The following ITGAV variants were observed in gnomAD, a reference collection of about 807,000 sequenced individuals.
ITGAV encodes integrin alpha-V.
A neutral mutation model predicts 143.8 loss-of-function variants in ITGAV; 76 were observed. The observed-to-expected ratio is 0.53, with a 90% CI of 0.44 to 0.64. The LOEUF is 0.64. ITGAV is among the 30% of genes least tolerant of loss of function. The pLI is 0.00. For missense variants in ITGAV, 1,193 were observed against 1,274.7 expected (o/e 0.94, Z 0.98); for synonymous variants, 453 against 446.7 (o/e 1.01, Z -0.18).
intron 17 of ITGAV, among the ~76,000 whole-genome samples, chr2:186,657,469 G>A (rs1021488432): frequency 6.6e-6 from 1 of 152,170 alleles, no homozygotes; most frequent in Non-Finnish European, 1.5e-5. Context: ...ATTGGGAAGT[G>A]TGATTTTTAA....
intron 3 of ITGAV, among the ~76,000 whole-genome samples, chr2:186,623,799 C>T (rs1687598549): frequency 6.6e-6 from 1 of 152,118 alleles, no homozygotes; most frequent in Non-Finnish European, 1.5e-5. Flanking sequence ...CACAATCTGC[C>T]TCAAAAATAT....
rs540703885 is a variant in ITGAV at position 186,652,070 on chromosome 2, A to G, written c.1486A>G (p.Thr496Ala). 1.3e-5 allele frequency: 21 copies of G among 1,606,672 alleles called. No individual in the cohort carries two copies. In the East Asian group the frequency reaches 2.0e-4, roughly 15 times the overall value. Residue 496 changes from threonine to alanine, a missense_variant, in exon 15 of 30, where the codon ACA becomes GCA. Coordinates refer to ENST00000261023, the MANE Select transcript of ITGAV (RefSeq NM_002210.5). ...CAATAAAACCTGCTCACTGCCTGGA[A>G]CAGCTCTCAAAGTTTCCTGGTAAGG... ...QDNKTCSLPGTALKVSCFNVR... is the reference protein window; with the variant it reads ...QDNKTCSLPGAALKVSCFNVR...
chr2:186,608,868 A>C (rs1434750196), intron 2 of ITGAV, among the ~76,000 whole-genome samples: 1 of 152,230 alleles, frequency 6.6e-6, no homozygotes, highest in African/African-American at 2.4e-5. Context: ...ATCTGAAAAA[A>C]TAAGCAGGAA....
At chr2:186,613,669 T>C (rs1489743041) in intron 2 of ITGAV, among the ~76,000 whole-genome samples, 1 of 152,148 alleles carries the variant, frequency 6.6e-6, no homozygotes, top group Non-Finnish European at 1.5e-5. Context: ...TCAAGAGACA[T>C]CTGAAGACAC....
At chr2:186,636,974 T>C (rs1490732091) in intron 7 of ITGAV, 91 bp from the exon 8 acceptor site, 13 of 1,043,246 alleles carry the variant, frequency 1.2e-5, no homozygotes, top group Non-Finnish European at 2.0e-5. Context: ...AAGGAGTTTC[T>C]TGAAAATATT....
chr2:186,634,634 A>T (rs1687904445), intron 6 of ITGAV, among the ~76,000 whole-genome samples: 1 of 152,206 alleles, frequency 6.6e-6, no homozygotes, highest in African/African-American at 2.4e-5. Flanking sequence ...ACAGACAGGG[A>T]TCAGAATGTG....
chr2:186,659,092 C>T lies in ITGAV; in HGVS notation c.1774C>T (p.Arg592Trp), dbSNP rs200949549. Residue 592 changes from arginine to tryptophan, a missense_variant, in exon 18 of 30, where the codon CGG becomes TGG. Arg to Trp is a moderately radical substitution (Grantham distance 101, BLOSUM62 -3). Coordinates refer to ENST00000261023, the MANE Select transcript of ITGAV (RefSeq NM_002210.5). ...TCCAATTACTATTTTTATGGAATAT[C>T]GGTTGGATTATAGAACAGCTGCTGA... ...LTPITIFMEY[R>W]LDYRTAADTT... 4.0e-5 allele frequency: 64 copies of T among 1,609,694 alleles called. No homozygotes were observed. The African/African-American group carries it at 4.7e-4, about 12-fold the overall frequency.
At chr2:186,597,541 T>A (rs889918716) in intron 1 of ITGAV, among the ~76,000 whole-genome samples, 1 of 152,188 alleles carries the variant, frequency 6.6e-6, no homozygotes, top group Non-Finnish European at 1.5e-5. Context: ...TGAATTAGAG[T>A]ACCCTACATT....
intron 17 of ITGAV, among the ~76,000 whole-genome samples, chr2:186,656,933 A>T (rs1460775505): frequency 2.0e-5 from 3 of 151,992 alleles, no homozygotes; most frequent in Admixed American, 6.6e-5. Flanking sequence ...GGAGCAATCC[A>T]GTATGGGCCC....
intron 18 of ITGAV, among the ~76,000 whole-genome samples, chr2:186,661,603 T>TG (rs201353593): frequency 0.022 from 3,350 of 148,966 alleles, 128 homozygotes; most frequent in African/African-American, 0.077. Context: ...TTTTTGTTTT[T>TG]TTTTTTTTTT....
intron 19 of ITGAV, 145 bp downstream of exon 19, chr2:186,663,980 T>A: frequency 1.6e-6 from 1 of 606,076 alleles, no homozygotes. Flanking sequence ...ACTATCAATA[T>A]TGAGCTTCTA....
intron 13 of ITGAV, 71 bp downstream of exon 13, chr2:186,646,948 C>A: frequency 1.0e-6 from 1 of 997,370 alleles, no homozygotes; most frequent in Non-Finnish European, 1.4e-6. Flanking sequence ...AGTTACTGTT[C>A]TTGATTTATG....
At chr2:186,675,133 C>T (rs140549547) in intron 26 of ITGAV, among the ~76,000 whole-genome samples, 394 of 152,304 alleles carry the variant, frequency 2.6e-3, no homozygotes, top group African/African-American at 8.7e-3. Flanking sequence ...CTGATTAAAA[C>T]ATTAAATGTG....
chr2:186,629,036 C>T (rs1382531224), intron 4 of ITGAV, among the ~76,000 whole-genome samples: 1 of 152,018 alleles, frequency 6.6e-6, no homozygotes, highest in African/African-American at 2.4e-5. Flanking sequence ...AAGTTAATGT[C>T]ATGTAAAATG....
chr2:186,590,248 G>A lies in ITGAV; in HGVS notation c.-91G>A. Reference sequence around the variant, plus strand: ...GAGCGGCCGGCAAGTTTGGGCGCGCGCAGGCGGCGGGCCGCGGGCACTGGG... The same window carrying A: ...GAGCGGCCGGCAAGTTTGGGCGCGCACAGGCGGCGGGCCGCGGGCACTGGG... On this transcript the variant is annotated 5_prime_UTR_variant, in exon 1 of 30. Coordinates refer to ENST00000261023, the MANE Select transcript of ITGAV (RefSeq NM_002210.5). The A allele has an allele frequency of 4.4e-6, 5 of 1,148,430 alleles. No individual in the cohort carries two copies. The highest frequency in any genetic ancestry group is 5.7e-6 in the Non-Finnish European group (5 of 879,012). The allele number at this position is 1,148,430 out of a possible 1,614,324, so 71.1% of individuals were successfully genotyped here. A position where few individuals can be genotyped will look rare whatever the true frequency, so the allele number is the denominator to read the frequency against.
chr2:186,590,541 G>C lies in ITGAV; in HGVS notation c.185+18G>C. 6.2e-7 allele frequency: 1 copy of C among 1,607,094 alleles called. No homozygotes were observed. The highest frequency in any genetic ancestry group is 8.5e-7 in the Non-Finnish European group (1 of 1,177,130). ...GCGTCTTCGTAAGTGGCCGCACTTGGAACTGGAGCCGGCCCCCTCCCCCAC... is the reference window on the plus strand; with the variant it reads ...GCGTCTTCGTAAGTGGCCGCACTTGCAACTGGAGCCGGCCCCCTCCCCCAC... On this transcript the variant is annotated intron_variant, in intron 1 of 29. Transcript: ENST00000261023.
Position 186,607,596 on chromosome 2 carries a change from A to G in ITGAV, c.316+5445A>G, listed in dbSNP as rs541158871. 5.7e-3 allele frequency among the ~76,000 whole-genome samples: 864 copies of G among 152,268 alleles called. 9 individuals are homozygous for G. The highest frequency in any genetic ancestry group is 0.02 in the African/African-American group (835 of 41,546). On this transcript the variant is annotated intron_variant, in intron 2 of 29. Coordinates refer to ENST00000261023, the MANE Select transcript of ITGAV (RefSeq NM_002210.5). ...TATGTGTGTGGACAAAAAAAAATCT[A>G]TTGTTCTTTTTAACTACTTGAGATT...
chr2:186,677,146 T>C (rs1689236295), intron 29 of ITGAV, 51 bp from the exon 30 acceptor site: 1 of 1,517,022 alleles, frequency 6.6e-7, no homozygotes, highest in Admixed American at 1.8e-5. Flanking sequence ...AAAATACTTT[T>C]CGTATTCTAC....
rs202183151 is a variant in ITGAV at position 186,646,756 on chromosome 2, A to T, written c.1230A>T (p.Ser410=). The change falls in exon 13 of 30, where the codon TCA becomes TCT. Residue 410 remains serine, a synonymous_variant. Coordinates refer to ENST00000261023, the MANE Select transcript of ITGAV (RefSeq NM_002210.5). The part of the protein sequence containing the change: ...KGIVYIFNGR[S]TGLNAVPSQI... The stretch of plus-strand genomic sequence containing the variant: ...TTGTTTATATCTTCAATGGAAGATC[A>T]ACAGGCTTGAACGCAGTCCCATCTC... 3.7e-6 allele frequency: 6 copies of T among 1,612,362 alleles called. No homozygotes were observed. In the South Asian group the frequency reaches 6.6e-5, roughly 18 times the overall value.
Sources: allele counts gnomAD v4.1 joint callset (sites outside exome capture counted in the v4.1 genomes callset), GRCh38; gene constraint gnomAD v4.1.1; transcripts MANE v1.5; gene names NCBI Gene and HGNC (gene_info 2026-07-23, HGNC 2026-07-21).